CDH18: variants seen among roughly 807,000 people sequenced by gnomAD.
The protein encoded by CDH18 is cadherin-18.
Under a neutral mutation model 67.9 loss-of-function variants are expected in CDH18, and 31 were observed. That is an observed-to-expected ratio of 0.46 (90% CI 0.34 to 0.62). The LOEUF is 0.62. CDH18 is among the 20% of genes least tolerant of loss of function. CDH18 has a pLI of 0.01. For missense variants in CDH18, 890 were observed against 975.5 expected (o/e 0.91, Z 1.17); for synonymous variants, 362 against 347.2 (o/e 1.04, Z -0.48).
intron 1 of CDH18, among the ~76,000 whole-genome samples, chr5:20,371,425 A>G (rs1370110876): frequency 2.0e-5 from 3 of 152,224 alleles, no homozygotes; most frequent in Non-Finnish European, 4.4e-5. Flanking sequence ...GTTCTGCAGA[A>G]TATGGAACAA....
chr5:20,423,372 T>G (rs963982983), intron 1 of CDH18, among the ~76,000 whole-genome samples: 1 of 151,228 alleles, frequency 6.6e-6, no homozygotes, highest in Non-Finnish European at 1.5e-5. Flanking sequence ...CATATACCCA[T>G]GTACACATAC....
chr5:20,344,579 G>T (rs1740549324), intron 1 of CDH18, among the ~76,000 whole-genome samples: 1 of 151,998 alleles, frequency 6.6e-6, no homozygotes, highest in African/African-American at 2.4e-5. Context: ...GGCCTCAAAA[G>T]CACTAAGCAT....
At chr5:20,042,147 C>G (rs1279867721) in intron 2 of CDH18, among the ~76,000 whole-genome samples, 3 of 152,136 alleles carry the variant, frequency 2.0e-5, no homozygotes, top group African/African-American at 4.8e-5. Context: ...CTGAGAGTAC[C>G]TTTTTTGCTT....
intron 1 of CDH18, among the ~76,000 whole-genome samples, chr5:20,509,568 G>A (rs886367572): frequency 1.5e-4 from 5 of 32,498 alleles, no homozygotes; most frequent in East Asian, 2.2e-3. Context: ...GTGCCACCAC[G>A]CCCAGTTTTG....
In CDH18 at chr5:19,962,378, CAA is replaced by C. The variant is rs3065078; in HGVS notation, c.-257+18680_-257+18681del. 2.9e-4 allele frequency among the ~76,000 whole-genome samples: 15 copies of C among 51,580 alleles called. 1 individual carries two copies. The highest frequency in any genetic ancestry group is 1.1e-3 in the African/African-American group (13 of 11,848). The allele number at this position is 51,580 out of a possible 152,430, so 33.8% of individuals were successfully genotyped here. On this transcript the variant is annotated intron_variant, in intron 2 of 12. Coordinates refer to ENST00000382275, the MANE Select transcript of CDH18 (RefSeq NM_004934.5). ...AATTTAGAGAATAAACGTCAAAAAG[CAA>C]AAAAAAAAAAAAAAAAGAAAATTCA...
chr5:20,550,090 C>T (rs891195303), intron 1 of CDH18, among the ~76,000 whole-genome samples: 1 of 152,100 alleles, frequency 6.6e-6, no homozygotes, highest in African/African-American at 2.4e-5. Context: ...TCATATAAGA[C>T]AATGTGTTCA....
intron 1 of CDH18, among the ~76,000 whole-genome samples, chr5:20,481,155 T>G (rs12522218): frequency 6.6e-6 from 1 of 150,378 alleles, no homozygotes; most frequent in East Asian, 2.0e-4. Flanking sequence ...AGATATTCCA[T>G]GCAAATGAAA....
chr5:20,413,181 T>C (rs1184874773), intron 1 of CDH18, among the ~76,000 whole-genome samples: 2 of 152,246 alleles, frequency 1.3e-5, no homozygotes, highest in East Asian at 1.9e-4. Flanking sequence ...GTGGTGTATA[T>C]GTGCCACATT....
intron 1 of CDH18, among the ~76,000 whole-genome samples, chr5:20,365,675 A>C (rs1163925107): frequency 1.3e-5 from 2 of 152,188 alleles, no homozygotes; most frequent in African/African-American, 4.8e-5. Context: ...TATACCAGTT[A>C]CAAAATTTAT....
intron 1 of CDH18, among the ~76,000 whole-genome samples, chr5:20,520,825 G>T (rs960960369): frequency 6.6e-6 from 1 of 152,086 alleles, no homozygotes; most frequent in African/African-American, 2.4e-5. Flanking sequence ...ATAAATGAGA[G>T]AAAAGATCTA....
chr5:19,691,210 A>G (rs1002745239), intron 5 of CDH18, among the ~76,000 whole-genome samples: 2 of 151,826 alleles, frequency 1.3e-5, no homozygotes, highest in Admixed American at 1.3e-4. Context: ...GATAAAATTA[A>G]CATTCCTAAC....
intron 7 of CDH18, among the ~76,000 whole-genome samples, chr5:19,581,365 C>T (rs970113449): frequency 2.0e-5 from 3 of 151,898 alleles, no homozygotes; most frequent in African/African-American, 7.2e-5. Context: ...TTATCATTTT[C>T]CCATCAATCG....
intron 2 of CDH18, among the ~76,000 whole-genome samples, chr5:20,047,109 T>C (rs1244090255): frequency 2.0e-5 from 3 of 151,770 alleles, no homozygotes; most frequent in Non-Finnish European, 4.4e-5. Flanking sequence ...GGACAGCATG[T>C]TTACATGTTG....
At chr5:20,042,365 A>G (rs1301032992) in intron 2 of CDH18, among the ~76,000 whole-genome samples, 1 of 152,256 alleles carries the variant, frequency 6.6e-6, no homozygotes, top group African/African-American at 2.4e-5. Context: ...CTATGTAAAT[A>G]ATAAATAGAT....
intron 1 of CDH18, among the ~76,000 whole-genome samples, chr5:20,421,559 A>G (rs1747860638): frequency 6.6e-6 from 1 of 150,980 alleles, no homozygotes; most frequent in Non-Finnish European, 1.5e-5. Context: ...CTATTTTGAA[A>G]TTTTTATATT....
At chr5:19,980,739 T>G (rs1198558770) in intron 2 of CDH18, among the ~76,000 whole-genome samples, 1 of 152,186 alleles carries the variant, frequency 6.6e-6, no homozygotes, top group Non-Finnish European at 1.5e-5. Context: ...CAAATTTGTA[T>G]TTTATACCCG....
intron 2 of CDH18, among the ~76,000 whole-genome samples, chr5:20,182,303 T>C (rs1371423486): frequency 6.6e-6 from 1 of 152,018 alleles, no homozygotes; most frequent in African/African-American, 2.4e-5. Flanking sequence ...CCAAAATTTA[T>C]GTTAAAACTT....
chr5:20,073,312 T>C (rs1021594559), intron 2 of CDH18, among the ~76,000 whole-genome samples: 2 of 151,998 alleles, frequency 1.3e-5, no homozygotes, highest in African/African-American at 2.4e-5. Context: ...TTTTCCATTG[T>C]GGGGGTTAGT....
chr5:19,906,948 T>C (rs746445336), intron 2 of CDH18, among the ~76,000 whole-genome samples: 1 of 152,030 alleles, frequency 6.6e-6, no homozygotes, highest in Non-Finnish European at 1.5e-5. Context: ...TATCATTTTA[T>C]AGGTAAATAG....
Sources: gnomAD v4.1 joint callset for allele counts (sites outside exome capture counted in the v4.1 genomes callset) on GRCh38, gnomAD v4.1.1 for gene constraint, MANE v1.5 for transcripts, NCBI Gene and HGNC (gene_info 2026-07-23, HGNC 2026-07-21) for gene names.